The following DACH1 variants were observed in gnomAD, a reference collection of about 807,000 sequenced individuals.
The protein encoded by DACH1 is dachshund family transcription factor 1, also known as dachshund homolog 1.
Under a neutral mutation model 54.2 loss-of-function variants are expected in DACH1, and 12 were observed. The ratio of observed to expected loss-of-function variants is 0.22; its 90% CI spans 0.14 to 0.36. The LOEUF is 0.36. DACH1 is among the 10% of genes least tolerant of loss of function. The pLI is 1.00. For synonymous variants in DACH1, 386 were observed against 366.2 expected (o/e 1.05, Z -0.62); for missense variants, 805 against 929.8 (o/e 0.87, Z 1.75).
At chr13:71,529,517 A>G (rs1882268278) in intron 6 of DACH1, among the ~76,000 whole-genome samples, 1 of 152,102 alleles carries the variant, frequency 6.6e-6, no homozygotes, top group African/African-American at 2.4e-5. Flanking sequence ...TATTTATACA[A>G]ATCGTAGATG....
intron 2 of DACH1, among the ~76,000 whole-genome samples, chr13:71,641,758 G>A (rs1310666452): frequency 6.6e-6 from 1 of 152,124 alleles, no homozygotes; most frequent in Non-Finnish European, 1.5e-5. Context: ...TCATGGTCAA[G>A]TTACTTAATT....
At chr13:71,638,525 T>A (rs1357515690) in intron 2 of DACH1, among the ~76,000 whole-genome samples, 2 of 152,186 alleles carry the variant, frequency 1.3e-5, no homozygotes, top group Non-Finnish European at 2.9e-5. Context: ...ATTTGAACAA[T>A]CTAGTTTGTT....
chr13:71,802,861 G>T (rs2138129096), intron 1 of DACH1, among the ~76,000 whole-genome samples: 1 of 152,176 alleles, frequency 6.6e-6, no homozygotes, highest in East Asian at 1.9e-4. Flanking sequence ...ACAAACCAAG[G>T]AATATGTGAA....
At chr13:71,516,159 C>CT (rs748304825) in intron 6 of DACH1, among the ~76,000 whole-genome samples, 18 of 151,650 alleles carry the variant, frequency 1.2e-4, no homozygotes, top group Non-Finnish European at 2.4e-4. Context: ...AATTTCTTTG[C>CT]TTTTTTCCAT....
At position 71,557,090 on chromosome 13, in the gene DACH1, G is replaced by A. The variant is rs1168075984; in HGVS notation, c.1504C>T (p.Pro502Ser). 1 of 1,610,704 alleles carries A rather than the reference G, an allele frequency of 6.2e-7. No individual in the cohort carries two copies. The highest frequency in any genetic ancestry group is 1.1e-5 in the South Asian group (1 of 90,796). The change falls in exon 6 of 11, where the codon CCC becomes TCC. Residue 502 changes from proline (P) to serine (S), a missense_variant. Pro to Ser is a moderately conservative substitution (Grantham distance 74). Transcript: ENST00000613252. ...MGLSPNVLPG[P>S]KEGDLAGHDM... ...TGACCGGCCAAATCTCCCTCTTTGG[G>A]CCCAGGAAGTACATTTGGTGATAAG...
In DACH1 at chr13:71,573,016, T is replaced by C. The variant is rs1243433113; in HGVS notation, c.1127-4A>G. 3.1e-6 allele frequency: 5 copies of C among 1,612,378 alleles called. No individual in the cohort carries two copies. Among genetic ancestry groups the C allele is most frequent in the Non-Finnish European group, 4.2e-6 (5 of 1,179,402 alleles). ...ATCATAAAAGGAAGTTCCAGTCCTA[T>C]AAAAAATGCACATATATCATCATTG... On this transcript the variant is annotated splice_polypyrimidine_tract_variant and splice_region_variant and intron_variant, in intron 3 of 10. Transcript: ENST00000613252.
chr13:71,805,794 A>G (rs946984631), intron 1 of DACH1, among the ~76,000 whole-genome samples: 4 of 152,108 alleles, frequency 2.6e-5, no homozygotes, highest in Non-Finnish European at 5.9e-5. Context: ...AAATGCGATA[A>G]TAATATTCAT....
chr13:71,630,363 T>C (rs1181162828), intron 3 of DACH1, among the ~76,000 whole-genome samples, 193 bp downstream of exon 3: 1 of 152,196 alleles, frequency 6.6e-6, no homozygotes, highest in Non-Finnish European at 1.5e-5. Context: ...ATAATGTTGC[T>C]AATTATTCCT....
intron 1 of DACH1, among the ~76,000 whole-genome samples, chr13:71,836,641 T>C (rs946385533): frequency 2.0e-5 from 3 of 151,976 alleles, no homozygotes; most frequent in African/African-American, 7.2e-5. Context: ...CGAGAGAAAA[T>C]GCAAAGAAAA....
intron 4 of DACH1, 41 bp from the exon 5 acceptor site, chr13:71,559,996 A>G (rs1005798991): frequency 2.8e-6 from 4 of 1,452,308 alleles, no homozygotes; most frequent in Non-Finnish European, 3.6e-6. Context: ...AAAAGATGTT[A>G]AATACAACGG....
intron 1 of DACH1, among the ~76,000 whole-genome samples, chr13:71,688,085 C>A (rs74097000): frequency 0.087 from 13,267 of 152,110 alleles, 1,611 homozygotes; most frequent in African/African-American, 0.28. Flanking sequence ...CATTTGAGTT[C>A]TAAAATATCT....
chr13:71,730,220 A>G (rs1200517592), intron 1 of DACH1, among the ~76,000 whole-genome samples: 3 of 151,926 alleles, frequency 2.0e-5, no homozygotes, highest in African/African-American at 7.3e-5. Flanking sequence ...AAAAAAAGAG[A>G]AAAATAAAGA....
intron 1 of DACH1, among the ~76,000 whole-genome samples, chr13:71,816,761 G>C (rs1441991478): frequency 6.6e-6 from 1 of 151,634 alleles, no homozygotes; most frequent in African/African-American, 2.4e-5. Context: ...TCCTTTGCAG[G>C]AGCCTGGATG....
intron 1 of DACH1, among the ~76,000 whole-genome samples, chr13:71,776,632 C>T (rs772423791): frequency 1.3e-5 from 2 of 152,078 alleles, no homozygotes; most frequent in Non-Finnish European, 2.9e-5. Flanking sequence ...GAAAAGGTAT[C>T]ATTCATAAAG....
At chr13:71,752,284 A>G (rs544252690) in intron 1 of DACH1, among the ~76,000 whole-genome samples, 3 of 152,290 alleles carry the variant, frequency 2.0e-5, no homozygotes, top group South Asian at 4.1e-4. Context: ...ATATATTTGC[A>G]TATTTAGTTC....
At chr13:71,863,456 G>A (rs1874486857) in intron 1 of DACH1, among the ~76,000 whole-genome samples, 1 of 152,082 alleles carries the variant, frequency 6.6e-6, no homozygotes, top group Admixed American at 6.6e-5. Context: ...TTGAAATAGG[G>A]TTTTAGAGCA....
chr13:71,826,227 T>C (rs934587798), intron 1 of DACH1, among the ~76,000 whole-genome samples: 7 of 152,160 alleles, frequency 4.6e-5, no homozygotes, highest in African/African-American at 1.4e-4. Flanking sequence ...TGATTCTGTA[T>C]GACATATTGC....
chr13:71,548,674 T>C (rs1883611892), intron 6 of DACH1, among the ~76,000 whole-genome samples: 1 of 152,156 alleles, frequency 6.6e-6, no homozygotes, highest in Non-Finnish European at 1.5e-5. Context: ...CTCAGCACTT[T>C]GGGATGCTGA....
In DACH1 at chr13:71,647,579, G is replaced by GT. The variant is rs111542881; in HGVS notation, c.965-16863dup. ...CTAAAAGGCTCTAACTGGTCAAACT[G>GT]TATCATCTGATCATGCCCAACCAAT... On this transcript the variant is annotated intron_variant, in intron 2 of 10. Transcript: ENST00000613252. Among the ~76,000 whole-genome samples the GT allele has an allele frequency of 1.9e-3, 282 of 152,292 alleles. 2 individuals carry two copies. Among genetic ancestry groups the GT allele is most frequent in the African/African-American group, 6.6e-3 (273 of 41,552 alleles).
Sources: allele counts gnomAD v4.1 joint callset (sites outside exome capture counted in the v4.1 genomes callset), GRCh38; gene constraint gnomAD v4.1.1; transcripts MANE v1.5; gene names NCBI Gene and HGNC (gene_info 2026-07-23, HGNC 2026-07-21).